PITPNM2: variants seen among roughly 807,000 people sequenced by gnomAD.
The protein encoded by PITPNM2 is membrane-associated phosphatidylinositol transfer protein 2.
A neutral mutation model predicts 132.2 loss-of-function variants in PITPNM2; 35 were observed. The observed-to-expected ratio is 0.26, with a 90% CI of 0.20 to 0.35. The LOEUF is 0.35. Ranked by LOEUF, PITPNM2 falls within the 10% of genes least tolerant of loss-of-function variation. The pLI, the probability that PITPNM2 is intolerant of heterozygous loss-of-function variation, is 1.00. For synonymous variants in PITPNM2, 738 were observed against 799.2 expected, an observed-to-expected ratio of 0.92 and a Z score of 1.29; for missense variants, 1,332 against 1,912.0, an observed-to-expected ratio of 0.70 and a Z score of 5.66.
At chr12:122,989,371 C>T (rs1594119249) in intron 18 of PITPNM2, among the ~76,000 whole-genome samples, 2 of 152,162 alleles carry the variant, frequency 1.3e-5, no homozygotes, top group East Asian at 3.9e-4. Context: ...GCGGGGAAGC[C>T]TGGGCCTCCA....
chr12:123,005,352 G>T lies in PITPNM2; in HGVS notation c.840C>A (p.Thr280=). The T allele has an allele frequency of 6.2e-7, 1 of 1,614,158 alleles. No individual in the cohort carries two copies. Among genetic ancestry groups the T allele is most frequent in the Non-Finnish European group, 8.5e-7 (1 of 1,180,030 alleles). The stretch of plus-strand genomic sequence containing the variant: ...TGCTGGGCTCCGGGGGCTCCCCAGA[G>T]GTCTGGTCCGAGACGGCTTCGTGCT... The part of the protein sequence containing the change: ...LVKHEAVSDQ[T]SGEPPEPSSS... The change falls in exon 7 of 26, where the codon ACC becomes ACA. Residue 280 remains threonine (T), a synonymous_variant. Transcript: ENST00000320201. The surrounding 1 kb of genome is among the most constrained non-coding windows in gnomAD (Gnocchi z 6.2).
At chr12:122,998,567 A>C (rs1283727315) in intron 10 of PITPNM2, among the ~76,000 whole-genome samples, 1 of 152,184 alleles carries the variant, frequency 6.6e-6, no homozygotes, top group African/African-American at 2.4e-5. Context: ...CCAGGGCCTG[A>C]GAGGGGCCAC....
At chr12:122,997,703 G>T (rs1027526081) in intron 10 of PITPNM2, 131 bp from the exon 11 acceptor site, 7 of 1,295,048 alleles carry the variant, frequency 5.4e-6, no homozygotes, top group Non-Finnish European at 7.4e-6. Context: ...CCCAGTTTTG[G>T]TTACTCATGC....
chr12:123,100,453 C>A (rs977570088), intron 2 of PITPNM2, among the ~76,000 whole-genome samples: 2 of 152,254 alleles, frequency 1.3e-5, no homozygotes, highest in Non-Finnish European at 1.5e-5. Flanking sequence ...TGGTGAAACC[C>A]CGTCTCTACT....
intron 2 of PITPNM2, among the ~76,000 whole-genome samples, chr12:123,055,909 C>A (rs2041010182): frequency 6.6e-6 from 1 of 152,174 alleles, no homozygotes; most frequent in South Asian, 2.1e-4. Context: ...CACACACACA[C>A]ACACACTTGC....
Position 123,005,263 on chromosome 12 carries a change from G to A in PITPNM2, c.929C>T (p.Ser310Leu), listed in dbSNP as rs1192011310. Reference sequence around the variant, plus strand: ...ACCTCCCCGCTTGGACGACCGAGACGACTTGGAGGATGTGGACCACTGTTT... The same window carrying A: ...ACCTCCCCGCTTGGACGACCGAGACAACTTGGAGGATGTGGACCACTGTTT... ...LKKQWSTSSK[S>L]SRSSKRGASP... is the part of the protein sequence containing the mutation. Residue 310 changes from serine to leucine, a missense_variant, in exon 7 of 26, where the codon TCG (serine) becomes TTG (leucine). Coordinates refer to ENST00000320201, the MANE Select transcript of PITPNM2 (RefSeq NM_020845.3). The surrounding 1 kb of genome is among the most constrained non-coding windows in gnomAD (Gnocchi z 6.2). The A allele has an allele frequency of 1.1e-5, 17 of 1,613,032 alleles. No individual in the cohort carries two copies. The highest frequency in any genetic ancestry group is 1.6e-4 in the Middle Eastern group (1 of 6,078).
At position 122,989,878 on chromosome 12, in the gene PITPNM2, G is replaced by A. The variant is rs1483756412; in HGVS notation, c.2640C>T (p.Ser880=). Residue 880 remains serine, a synonymous_variant, in exon 18 of 26, where the codon AGC becomes AGT. Transcript: ENST00000320201. The stretch of plus-strand genomic sequence containing the variant: ...GAGGGTGGGGGCCAGGGGTGGTGGG[G>A]CTGGGGGCGGGCAGGGCGAGCAGGG... The part of the protein sequence containing the change: ...RLSLLALPAP[S]PTTPGPHPPA... The A allele has an allele frequency of 1.5e-6, 2 of 1,323,424 alleles. No homozygotes were observed. Among genetic ancestry groups the A allele is most frequent in the Admixed American group, 3.8e-5 (1 of 26,336 alleles). 82.0% of individuals were successfully genotyped at this position (1,323,424 alleles called of 1,614,324 possible). A position where few individuals can be genotyped will look rare whatever the true frequency, so the allele number is the denominator to read the frequency against.
chr12:123,041,502 A>G (rs1592967143), intron 2 of PITPNM2, among the ~76,000 whole-genome samples: 1 of 151,798 alleles, frequency 6.6e-6, no homozygotes, highest in South Asian at 2.1e-4. Flanking sequence ...AGCATGGCAG[A>G]CCCTCCCGTA....
At chr12:123,130,533 C>G (rs1161149165) in intron 1 of PITPNM2, among the ~76,000 whole-genome samples, 1 of 152,140 alleles carries the variant, frequency 6.6e-6, no homozygotes, top group Non-Finnish European at 1.5e-5. Context: ...GTAATCCCAG[C>G]ACTTTGGGAG....
intron 2 of PITPNM2, among the ~76,000 whole-genome samples, chr12:123,057,019 G>A (rs376968903): frequency 3.3e-5 from 5 of 152,144 alleles, no homozygotes; most frequent in East Asian, 1.9e-4. Flanking sequence ...AGAGAAAAGC[G>A]CGTCTGAGTG....
chr12:123,009,840 G>A lies in PITPNM2; in HGVS notation c.643+10C>T, dbSNP rs972943060. ...CCCAGCCACTGCCCACCTGGCATGG[G>A]TGTGCTCACCGGTGTCGTGGATGAA... On this transcript the variant is annotated intron_variant, in intron 6 of 25. Transcript: ENST00000320201. The surrounding 1 kb of genome is among the most constrained non-coding windows in gnomAD (Gnocchi z 4.8). The A allele has an allele frequency of 1.3e-5, 21 of 1,613,084 alleles. No individual in the cohort carries two copies. The highest frequency in any genetic ancestry group is 1.7e-4 in the Middle Eastern group (1 of 6,060).
intron 2 of PITPNM2, among the ~76,000 whole-genome samples, chr12:123,070,654 C>T (rs1042984491): frequency 7.2e-5 from 11 of 152,216 alleles, no homozygotes; most frequent in African/African-American, 2.4e-4. Flanking sequence ...GGATGCTCCT[C>T]GGTGTGCCAC....
intron 13 of PITPNM2, among the ~76,000 whole-genome samples, chr12:122,995,992 T>C (rs1285543954): frequency 6.6e-6 from 1 of 152,230 alleles, no homozygotes; most frequent in East Asian, 1.9e-4. Flanking sequence ...ATTCCTAGGC[T>C]TGGCCACATA....
chr12:123,045,807 G>T (rs1381859604), intron 2 of PITPNM2, among the ~76,000 whole-genome samples: 1 of 152,188 alleles, frequency 6.6e-6, no homozygotes. Context: ...AGTAGCCAGT[G>T]TCAGTAGCCA....
Position 122,986,297 on chromosome 12 carries a change from C to T in PITPNM2, c.3780G>A (p.Arg1260=). The change falls in exon 26 of 26, where the codon CGG becomes CGA. Residue 1260 remains arginine, a synonymous_variant. Transcript: ENST00000320201. The part of the protein sequence containing the change: ...AHLAQLKYSH[R]ARPARNTATR... The stretch of plus-strand genomic sequence containing the variant: ...TGGCCGTGTTGCGAGCGGGCCGCGC[C>T]CGGTGGCTGTACTTCAGCTGCGCCA... 1 of 1,582,724 alleles carries T rather than the reference C, an allele frequency of 6.3e-7. No homozygotes were observed. Among genetic ancestry groups the T allele is most frequent in the Non-Finnish European group, 8.6e-7 (1 of 1,167,942 alleles).
At position 123,004,321 on chromosome 12, in the gene PITPNM2, C is replaced by G; in HGVS notation, c.1048+73G>C. 1 of 1,427,796 alleles carries G rather than the reference C, an allele frequency of 7.0e-7. No individual in the cohort carries two copies. The highest frequency in any genetic ancestry group is 9.8e-7 in the Non-Finnish European group (1 of 1,016,858). 88.4% of individuals were successfully genotyped at this position (1,427,796 alleles called of 1,614,324 possible). ...ACACCCGCATCAGTCCACACCCACA[C>G]CCTAAGCCCTTTCAGACCCCTCCCC... On this transcript the variant is annotated intron_variant, in intron 8 of 25. Transcript: ENST00000320201. The surrounding 1 kb of genome is among the most constrained non-coding windows in gnomAD (Gnocchi z 4.9).
At chr12:123,066,617 C>G (rs556846957) in intron 2 of PITPNM2, among the ~76,000 whole-genome samples, 1 of 152,258 alleles carries the variant, frequency 6.6e-6, no homozygotes, top group African/African-American at 2.4e-5. Flanking sequence ...TTAACCACCC[C>G]CTGGGATGGG....
chr12:123,013,895 T>C lies in PITPNM2; in HGVS notation c.226A>G (p.Ile76Val). ...GMHIPSWFRS[I>V]LPKAALRVVE... is the part of the protein sequence containing the mutation. ...ACCCGCAGGGCTGCCTTGGGCAGGA[T>C]GGAGCGGAACCAGCTGGGAATGTGC... The change falls in exon 4 of 26, where the codon ATC (isoleucine) becomes GTC (valine). Residue 76 changes from isoleucine (I) to valine (V), a missense_variant. Transcript: ENST00000320201. 1 of 1,614,274 alleles carries C rather than the reference T, an allele frequency of 6.2e-7. No homozygotes were observed. The highest frequency in any genetic ancestry group is 8.5e-7 in the Non-Finnish European group (1 of 1,180,050).
chr12:123,052,083 T>G (rs1055343901), intron 2 of PITPNM2, among the ~76,000 whole-genome samples: 127 of 147,636 alleles, frequency 8.6e-4, no homozygotes, highest in African/African-American at 2.8e-3. Context: ...TATTGTTTTT[T>G]TTTTTTTTTT....
Sources: gnomAD v4.1 joint callset for allele counts (sites outside exome capture counted in the v4.1 genomes callset) on GRCh38, gnomAD v4.1.1 for gene constraint, Gnocchi (gnomAD v3.1) non-coding constraint, MANE v1.5 for transcripts, NCBI Gene and HGNC (gene_info 2026-07-23, HGNC 2026-07-21) for gene names.